UTRN: variants seen among roughly 807,000 people sequenced by gnomAD.
UTRN encodes the protein dystrophin-related protein 1.
UTRN carries 283 observed loss-of-function variants against 463.9 expected under a neutral mutation model. That is an observed-to-expected ratio of 0.61 (90% CI 0.55 to 0.67). The LOEUF (loss-of-function observed/expected upper bound fraction) is 0.67, where lower values mean the gene tolerates loss of function less well. UTRN is among the 30% of genes least tolerant of loss of function. The probability of loss-of-function intolerance (pLI) is 0.00; values close to 1 mark genes in which losing one functional copy is unlikely to be tolerated. For missense variants in UTRN, 3,922 were observed against 4,084.3 expected, an observed-to-expected ratio of 0.96 and a Z score of 1.08; for synonymous variants, 1,442 against 1,431.5, an observed-to-expected ratio of 1.01 and a Z score of -0.17.
Position 144,551,094 on chromosome 6 carries a change from A to T in UTRN, c.6928+12A>T, listed in dbSNP as rs184942880. On this transcript the variant is annotated intron_variant, in intron 48 of 74. Coordinates refer to ENST00000367545, the MANE Select transcript of UTRN (RefSeq NM_007124.3). ...AATTACAGAAAAATGTAAGTTTTTT[A>T]AAAAAAGTTATGTATTATCATCCAC... 2.5e-4 allele frequency: 401 copies of T among 1,582,636 alleles called. 1 individual carries two copies. The highest frequency in any genetic ancestry group is 4.8e-4 in the South Asian group (42 of 86,738).
At chr6:144,844,627 T>C (rs370447283) in intron 73 of UTRN, among the ~76,000 whole-genome samples, 2 of 152,132 alleles carry the variant, frequency 1.3e-5, no homozygotes, top group African/African-American at 4.8e-5. Context: ...AAGGTTTCCT[T>C]GTAGCATTCC....
intron 43 of UTRN, among the ~76,000 whole-genome samples, chr6:144,535,014 T>G (rs555038187): frequency 7.2e-5 from 11 of 152,278 alleles, no homozygotes; most frequent in African/African-American, 2.6e-4. Context: ...TGAGGTCCCA[T>G]AAGATCTTAT....
rs1797025047 is a variant in UTRN, at chr6:144,531,181, G to C, written c.6036G>C (p.Glu2012Asp). 6.2e-7 allele frequency: 1 copy of C among 1,613,822 alleles called. No homozygotes were observed. The highest frequency in any genetic ancestry group is 1.3e-5 in the African/African-American group (1 of 74,922). The change falls in exon 42 of 75, where the codon GAG becomes GAC. Residue 2012 changes from glutamate (E) to aspartate (D), a missense_variant. Around this residue, in one of 3 missense-constraint regions of UTRN, gnomAD observed 2,349 missense variants for 2,303.8 expected, o/e 1.02. Transcript: ENST00000367545. ...TCAPGGSLDL[E>D]KARIHQQELE... is the part of the protein sequence containing the mutation. ...CTCCAGGTGGCAGCCTGGACTTAGAGAAAGCCAGGATACATCAGCAGGTGA... is the reference window on the plus strand; with the variant it reads ...CTCCAGGTGGCAGCCTGGACTTAGACAAAGCCAGGATACATCAGCAGGTGA...
At chr6:144,844,572 A>G (rs569224157) in intron 73 of UTRN, among the ~76,000 whole-genome samples, 10 of 152,194 alleles carry the variant, frequency 6.6e-5, no homozygotes, top group Admixed American at 2.0e-4. Context: ...CCCGGCCCCA[A>G]TACATGTTTC....
At chr6:144,516,737 C>T in intron 38 of UTRN, 74 bp from the exon 39 acceptor site, 1 of 1,244,810 alleles carries the variant, frequency 8.0e-7, no homozygotes, top group Non-Finnish European at 1.0e-6. Context: ...TAGTTTTCCT[C>T]CTTAGGAGTT....
At chr6:144,601,800 G>A (rs937534594) in intron 51 of UTRN, among the ~76,000 whole-genome samples, 10 of 151,940 alleles carry the variant, frequency 6.6e-5, no homozygotes, top group Non-Finnish European at 1.5e-5. Context: ...AATAAATGGG[G>A]CAGACAGGAA....
At chr6:144,490,788 G>A in intron 31 of UTRN, 141 bp from the exon 32 acceptor site, 1 of 903,532 alleles carries the variant, frequency 1.1e-6, no homozygotes, top group Non-Finnish European at 1.6e-6. Flanking sequence ...GATTCATTAG[G>A]AGTTTTTTAT....
intron 9 of UTRN, among the ~76,000 whole-genome samples, chr6:144,434,307 C>T (rs995532408): frequency 1.0e-4 from 13 of 127,476 alleles, no homozygotes; most frequent in South Asian, 5.5e-4. Context: ...AGTCCAGCTT[C>T]GGCTCGGCAT....
At chr6:144,306,550 T>A (rs1466383757) in intron 2 of UTRN, among the ~76,000 whole-genome samples, 1 of 151,904 alleles carries the variant, frequency 6.6e-6, no homozygotes, top group African/African-American at 2.4e-5. Flanking sequence ...TCTTTCTAGG[T>A]TTTGTGGAGA....
intron 66 of UTRN, among the ~76,000 whole-genome samples, chr6:144,822,939 C>CA (rs1779728429): frequency 6.6e-6 from 1 of 152,108 alleles, no homozygotes; most frequent in Non-Finnish European, 1.5e-5. Context: ...TATCTACACG[C>CA]TTTACAGGAA....
intron 8 of UTRN, 108 bp downstream of exon 8, chr6:144,429,001 C>T (rs955926671): frequency 2.9e-6 from 2 of 697,866 alleles, no homozygotes; most frequent in South Asian, 2.3e-5. Flanking sequence ...ACTTGAAGAA[C>T]CTTTTCCTTT....
At chr6:144,407,106 T>G (rs1192565165) in intron 3 of UTRN, among the ~76,000 whole-genome samples, 4 of 152,086 alleles carry the variant, frequency 2.6e-5, no homozygotes, top group African/African-American at 4.8e-5. Context: ...TCTCAAAGTG[T>G]TATGATTTGA....
intron 44 of UTRN, 81 bp from the exon 45 acceptor site, chr6:144,539,213 C>T: frequency 7.3e-7 from 1 of 1,378,998 alleles, no homozygotes. Context: ...TGTAATAATA[C>T]CAAAAAGGTT....
intron 2 of UTRN, among the ~76,000 whole-genome samples, chr6:144,389,943 A>G (rs1781764045): frequency 6.6e-6 from 1 of 152,164 alleles, no homozygotes; most frequent in Non-Finnish European, 1.5e-5. Context: ...CAGTCCCAGC[A>G]TGGGGGTGGG....
At chr6:144,470,830 G>A (rs1790524827) in intron 23 of UTRN, among the ~76,000 whole-genome samples, 1 of 151,918 alleles carries the variant, frequency 6.6e-6, no homozygotes, top group Non-Finnish European at 1.5e-5. Flanking sequence ...CTGGAGACCA[G>A]CCCGGCCAAC....
chr6:144,510,831 G>A (rs1795103769), intron 34 of UTRN, 113 bp from the exon 35 acceptor site: 1 of 825,556 alleles, frequency 1.2e-6, no homozygotes, highest in South Asian at 4.1e-5. Flanking sequence ...ATTATATAGG[G>A]AGTCATGGAC....
At position 144,748,526 on chromosome 6, in the gene UTRN, T is replaced by G; in HGVS notation, c.8208+12T>G. The G allele has an allele frequency of 6.2e-7, 1 of 1,604,236 alleles. No individual in the cohort carries two copies. Among genetic ancestry groups the G allele is most frequent in the African/African-American group, 1.3e-5 (1 of 74,288 alleles). On this transcript the variant is annotated intron_variant, in intron 55 of 74. Transcript: ENST00000367545. ...TTGAAAAAATCATGGTCAGCATCAT[T>G]GTCTTTGAAGGATTTTTAAGAAATG...
rs960698700 is a variant in UTRN, at chr6:144,786,171, A to G, written c.8835-3023A>G. ...TGTCTCCCTCTTGTCTCTCACATCC[A>G]TGTAGCTTATTTACATCAGTGTCCT... On this transcript the variant is annotated intron_variant, in intron 61 of 74. Coordinates refer to ENST00000367545, the MANE Select transcript of UTRN (RefSeq NM_007124.3). 2.6e-5 allele frequency among the ~76,000 whole-genome samples: 4 copies of G among 152,156 alleles called. No homozygotes were observed. In the East Asian group the frequency reaches 5.8e-4, roughly 22 times the overall value.
rs1791657157 is a variant in UTRN, at chr6:144,479,803, C to T, written c.3337-9C>T. 3 of 1,609,456 alleles carry T rather than the reference C, an allele frequency of 1.9e-6. No individual in the cohort carries two copies. The highest frequency in any genetic ancestry group is 2.5e-6 in the Non-Finnish European group (3 of 1,178,092). ...TTGTTTATTTGGGGGAATGGCTTTTCCTTTGTAGATCGCTACTCAAAAAAG... is the reference window on the plus strand; with the variant it reads ...TTGTTTATTTGGGGGAATGGCTTTTTCTTTGTAGATCGCTACTCAAAAAAG... On this transcript the variant is annotated splice_polypyrimidine_tract_variant and intron_variant, in intron 25 of 74. Transcript: ENST00000367545.
Sources: allele counts gnomAD v4.1 joint callset (sites outside exome capture counted in the v4.1 genomes callset), GRCh38; gene constraint gnomAD v4.1.1; regional missense constraint gnomAD v4.1.1; transcripts MANE v1.5; gene names NCBI Gene and HGNC (gene_info 2026-07-23, HGNC 2026-07-21).